The following TFCP2L1 variants were observed in gnomAD, a reference collection of about 807,000 sequenced individuals.
The protein encoded by TFCP2L1 is transcription factor CP2-like protein 1.
TFCP2L1 carries 12 observed loss-of-function variants against 72.2 expected under a neutral mutation model. The ratio of observed to expected loss-of-function variants is 0.17; its 90% CI spans 0.11 to 0.27. TFCP2L1 has a LOEUF of 0.27. TFCP2L1 is among the 10% of genes least tolerant of loss of function. The probability of loss-of-function intolerance (pLI) is 1.00; values close to 1 mark genes in which losing one functional copy is unlikely to be tolerated. For synonymous variants in TFCP2L1, 260 were observed against 251.0 expected, an observed-to-expected ratio of 1.04 and a Z score of -0.34; for missense variants, 488 against 624.6, an observed-to-expected ratio of 0.78 and a Z score of 2.33.
intron 2 of TFCP2L1, among the ~76,000 whole-genome samples, chr2:121,276,830 C>CAG (rs1687157197): frequency 6.6e-6 from 1 of 151,688 alleles, no homozygotes; most frequent in Non-Finnish European, 1.5e-5. Flanking sequence ...GAAAACTACT[C>CAG]AGCTAATTGA....
At position 121,285,089 on chromosome 2, in the gene TFCP2L1, C is replaced by A. The variant is rs1687341429; in HGVS notation, c.21G>T (p.Gln7His). Residue 7 changes from glutamine to histidine, a missense_variant, in exon 1 of 15, where the codon CAG (glutamine) becomes CAT (histidine). Physicochemically the swap from Gln to His is conservative, Grantham distance 24. Transcript: ENST00000263707. ...AGTTGTGCTGGTTGTAGTGCTCGGGCTGCGTGTGCCAGAAGAGCATGGCTG... is the reference window on the plus strand; with the variant it reads ...AGTTGTGCTGGTTGTAGTGCTCGGGATGCGTGTGCCAGAAGAGCATGGCTG... MLFWHT[Q>H]PEHYNQHNSG... The A allele has an allele frequency of 6.6e-7, 1 of 1,523,368 alleles. No homozygotes were observed. The allele number at this position is 1,523,368 out of a possible 1,614,324, so 94.4% of individuals were successfully genotyped here. A position where few individuals can be genotyped will look rare whatever the true frequency, so the allele number is the denominator to read the frequency against.
intron 7 of TFCP2L1, among the ~76,000 whole-genome samples, 200 bp from the exon 8 acceptor site, chr2:121,239,849 T>C (rs892688555): frequency 7.2e-5 from 11 of 152,128 alleles, no homozygotes; most frequent in African/African-American, 2.7e-4. Context: ...GCAGAAATGT[T>C]CAGTAAGTCA....
intron 2 of TFCP2L1, among the ~76,000 whole-genome samples, chr2:121,261,887 G>A (rs915321767): frequency 2.0e-5 from 3 of 152,134 alleles, no homozygotes; most frequent in Non-Finnish European, 4.4e-5. Flanking sequence ...AGCAAAAGAC[G>A]TATCAGCACC....
At chr2:121,243,317 C>A (rs1201324720) in intron 6 of TFCP2L1, among the ~76,000 whole-genome samples, 1 of 152,224 alleles carries the variant, frequency 6.6e-6, no homozygotes, top group African/African-American at 2.4e-5. Flanking sequence ...AGCTCAACGG[C>A]ACCTTGAGGG....
At chr2:121,228,259 T>A (rs1686070874) in intron 13 of TFCP2L1, among the ~76,000 whole-genome samples, 2 of 152,180 alleles carry the variant, frequency 1.3e-5, no homozygotes, top group African/African-American at 4.8e-5. Flanking sequence ...CAGGGACCCG[T>A]GATATTGCAA....
chr2:121,260,786 G>A (rs1290899190), intron 2 of TFCP2L1, among the ~76,000 whole-genome samples: 1 of 152,250 alleles, frequency 6.6e-6, no homozygotes, highest in African/African-American at 2.4e-5. Context: ...TGGAAAGCCA[G>A]AGTGGCTGTG....
intron 2 of TFCP2L1, among the ~76,000 whole-genome samples, chr2:121,275,200 C>A (rs1468234773): frequency 1.3e-5 from 2 of 151,836 alleles, no homozygotes; most frequent in Admixed American, 1.3e-4. Context: ...CTGGCTAACA[C>A]GGTGAAACCC....
Position 121,218,191 on chromosome 2 carries a change from C to T in TFCP2L1, c.*6150G>A, listed in dbSNP as rs1685867637. 4 of 152,014 alleles carry T rather than the reference C, an allele frequency of 2.6e-5. No homozygotes were observed. 9.4% of individuals were successfully genotyped at this position (152,014 alleles called of 1,614,324 possible). A position where few individuals can be genotyped will look rare whatever the true frequency, so the allele number is the denominator to read the frequency against. ...AGAGGCAAAATCAATATTATGTTGGCGTAAGAGCAAACAAATTTCCACAAT... is the reference window on the plus strand; with the variant it reads ...AGAGGCAAAATCAATATTATGTTGGTGTAAGAGCAAACAAATTTCCACAAT... On this transcript the variant is annotated 3_prime_UTR_variant, in exon 15 of 15. Coordinates refer to ENST00000263707, the MANE Select transcript of TFCP2L1 (RefSeq NM_014553.3).
chr2:121,281,046 G>T lies in TFCP2L1; in HGVS notation c.214+74C>A. On this transcript the variant is annotated intron_variant, in intron 2 of 14. Transcript: ENST00000263707. ...TCACCCACCGTAACAAAGTCACAAG[G>T]CCCAAATGGGCCTTTCGCATCAGCT... is the stretch of plus-strand genomic sequence containing the variant. 2.5e-6 allele frequency: 4 copies of T among 1,598,084 alleles called. No individual in the cohort carries two copies. The South Asian group carries it at 4.4e-5, about 18-fold the overall frequency.
At chr2:121,281,089 T>G in intron 2 of TFCP2L1, 31 bp downstream of exon 2, 2 of 1,613,410 alleles carry the variant, frequency 1.2e-6, no homozygotes, top group Non-Finnish European at 1.7e-6. Flanking sequence ...ACTTCTGGGT[T>G]CCGCCCTGGC....
intron 2 of TFCP2L1, among the ~76,000 whole-genome samples, chr2:121,263,447 G>T (rs1407091598): frequency 9.0e-6 from 1 of 111,234 alleles, no homozygotes; most frequent in Non-Finnish European, 1.8e-5. Context: ...ATGAGCAATG[G>T]ATATCAACTG....
intron 4 of TFCP2L1, among the ~76,000 whole-genome samples, chr2:121,248,474 G>A (rs532220897): frequency 3.9e-5 from 6 of 152,304 alleles, no homozygotes; most frequent in African/African-American, 1.4e-4. Flanking sequence ...TGTATGAACC[G>A]TCATTTTATT....
chr2:121,252,276 G>T (rs1372720207), intron 2 of TFCP2L1, among the ~76,000 whole-genome samples: 1 of 151,974 alleles, frequency 6.6e-6, no homozygotes, highest in East Asian at 1.9e-4. Context: ...CAAACTCCTG[G>T]GCTCAAGTGA....
chr2:121,267,870 T>C (rs1189915578), intron 2 of TFCP2L1, among the ~76,000 whole-genome samples: 1 of 152,196 alleles, frequency 6.6e-6, no homozygotes, highest in Non-Finnish European at 1.5e-5. Context: ...TTTCAATACA[T>C]TCTGATTGGT....
intron 1 of TFCP2L1, 114 bp from the exon 2 acceptor site, chr2:121,281,385 C>T (rs975359256): frequency 2.0e-5 from 24 of 1,228,222 alleles, no homozygotes; most frequent in Middle Eastern, 2.1e-4. Context: ...TGACACGGCA[C>T]GCGCATCGCA....
rs777018472 is a variant in TFCP2L1 at position 121,224,352 on chromosome 2, A to G, written c.1429T>C (p.Cys477Arg). 6.2e-7 allele frequency: 1 copy of G among 1,614,070 alleles called. No homozygotes were observed. Among genetic ancestry groups the G allele is most frequent in the East Asian group, 2.2e-5 (1 of 44,878 alleles). Residue 477 changes from cysteine to arginine, a missense_variant, in exon 15 of 15, where the codon TGT becomes CGT. Physicochemically the swap from Cys to Arg is radical, Grantham distance 180. This residue lies in a region of TFCP2L1 where 286 missense variants were observed against 329.0 expected (regional missense o/e 0.87). Coordinates refer to ENST00000263707, the MANE Select transcript of TFCP2L1 (RefSeq NM_014553.3). The stretch of plus-strand genomic sequence containing the variant: ...AGGTCCACTGCTGCTCAGAGTCCAC[A>G]TTTCAGGATGATGTGGTAGCCATCA... ...SNDGYHIILK[C>R]GL
chr2:121,273,184 G>A (rs1334835880), intron 2 of TFCP2L1, among the ~76,000 whole-genome samples: 1 of 152,136 alleles, frequency 6.6e-6, no homozygotes, highest in Non-Finnish European at 1.5e-5. Context: ...TGTTTTGACA[G>A]AAAATATCAA....
chr2:121,227,945 GC>G (rs1419367461), intron 13 of TFCP2L1, among the ~76,000 whole-genome samples: 1 of 152,224 alleles, frequency 6.6e-6, no homozygotes, highest in African/African-American at 2.4e-5. Flanking sequence ...ACTCTTGGCA[GC>G]CCAGCCACTT....
intron 13 of TFCP2L1, among the ~76,000 whole-genome samples, chr2:121,225,894 C>T (rs1207210004): frequency 1.3e-5 from 2 of 150,946 alleles, no homozygotes; most frequent in African/African-American, 4.9e-5. Context: ...ACCACTGCCA[C>T]GGTGTCCACA....
Sources: allele counts gnomAD v4.1 joint callset (sites outside exome capture counted in the v4.1 genomes callset), GRCh38; gene constraint gnomAD v4.1.1; regional missense constraint gnomAD v4.1.1; transcripts MANE v1.5; gene names NCBI Gene and HGNC (gene_info 2026-07-23, HGNC 2026-07-21).